TIAM2: variants seen among roughly 807,000 people sequenced by gnomAD.
The protein encoded by TIAM2 is TIAM Rac1 associated GEF 2.
In TIAM2, 80 loss-of-function variants were observed where a neutral mutation model predicts 152.9. The observed-to-expected ratio is 0.52, with a 90% CI of 0.44 to 0.63. The LOEUF (loss-of-function observed/expected upper bound fraction) is 0.63. Among genes scored for constraint, TIAM2 ranks in the 30% least tolerant of loss-of-function variants. TIAM2 has a pLI of 0.00. For synonymous variants in TIAM2, 804 were observed against 838.0 expected (o/e 0.96, Z 0.70); for missense variants, 1,965 against 2,120.1 (o/e 0.93, Z 1.44).
chr6:155,029,080 GTTATATATACACTGTATA>G (rs1391428701), intron 1 of TIAM2, among the ~76,000 whole-genome samples: 8 of 111,606 alleles, frequency 7.2e-5, no homozygotes, highest in African/African-American at 1.7e-4. Context: ...TATATATACT[GTTATATATACACTGTATA>G]TACTATGTGT....
intron 1 of TIAM2, among the ~76,000 whole-genome samples, chr6:155,028,307 G>T (rs567479415): frequency 1.1e-5 from 1 of 87,034 alleles, no homozygotes; most frequent in African/African-American, 5.5e-5. Context: ...CTACATATAT[G>T]TACTGTGTTA....
At chr6:155,006,992 A>T (rs1778412610) in intron 1 of TIAM2, among the ~76,000 whole-genome samples, 1 of 152,106 alleles carries the variant, frequency 6.6e-6, no homozygotes, top group African/African-American at 2.4e-5. Context: ...TGCCCGGCCA[A>T]TTTTTGTATT....
intron 2 of TIAM2, among the ~76,000 whole-genome samples, chr6:155,104,149 C>G (rs1260610312): frequency 6.7e-6 from 1 of 148,856 alleles, no homozygotes; most frequent in Non-Finnish European, 1.5e-5. Flanking sequence ...TGACTTCAGT[C>G]CCGGGGCTTG....
intron 15 of TIAM2, among the ~76,000 whole-genome samples, chr6:155,217,604 AT>A (rs760026858): frequency 3.9e-5 from 6 of 152,196 alleles, no homozygotes; most frequent in Non-Finnish European, 7.3e-5. Flanking sequence ...AGAGTTTTTA[AT>A]TTAGTTATTC....
intron 1 of TIAM2, among the ~76,000 whole-genome samples, chr6:155,084,615 T>C (rs1010863100): frequency 2.6e-5 from 4 of 152,314 alleles, no homozygotes; most frequent in Admixed American, 2.6e-4. Context: ...ATGGGCTGTT[T>C]TATAAATAAC....
At chr6:155,060,628 G>A (rs9478611) in intron 1 of TIAM2, among the ~76,000 whole-genome samples, 53,066 of 151,972 alleles carry the variant, frequency 0.35, 9,430 homozygotes, top group Non-Finnish European at 0.37. Flanking sequence ...AGGTGCAGTG[G>A]CTCATGCCTG....
In TIAM2 at chr6:155,013,952, A is replaced by ACACC. The variant is rs1491137664; in HGVS notation, c.-209+18461_-209+18462insACCC. On this transcript the variant is annotated intron_variant, in intron 1 of 26. Coordinates refer to ENST00000682666, the MANE Select transcript of TIAM2 (RefSeq NM_012454.4). ...CACACACACACACACACACACACAC[A>ACACC]CCTGAGATGGGGTAGATCATTGTAT... is the stretch of plus-strand genomic sequence containing the variant. 4.6e-5 allele frequency: 7 copies of ACACC among 151,182 alleles called. No homozygotes were observed. In the South Asian group the frequency reaches 1.1e-3, roughly 23 times the overall value. The allele number at this position is 151,182 out of a possible 1,614,324, so 9.4% of individuals were successfully genotyped here.
At chr6:155,125,637 G>C (rs1779273347) in intron 2 of TIAM2, among the ~76,000 whole-genome samples, 1 of 152,098 alleles carries the variant, frequency 6.6e-6, no homozygotes, top group Admixed American at 6.6e-5. Flanking sequence ...CCGGAAGTTC[G>C]AGACCAGCCT....
chr6:154,996,398 A>G (rs908428179), intron 1 of TIAM2, among the ~76,000 whole-genome samples: 1 of 152,184 alleles, frequency 6.6e-6, no homozygotes, highest in Non-Finnish European at 1.5e-5. Context: ...TTCAGGCAAG[A>G]GGCCACTTGG....
At chr6:155,246,494 A>G (rs188210501) in intron 19 of TIAM2, among the ~76,000 whole-genome samples, 105 of 152,308 alleles carry the variant, frequency 6.9e-4, no homozygotes, top group African/African-American at 2.4e-3. Context: ...TTAATTAATT[A>G]ATTTTAAAAA....
intron 1 of TIAM2, among the ~76,000 whole-genome samples, chr6:155,025,420 A>T (rs1486839029): frequency 6.6e-6 from 1 of 151,924 alleles, no homozygotes; most frequent in African/African-American, 2.4e-5. Flanking sequence ...TGACCTCGTG[A>T]TCTGCCCTCC....
rs1779412707 is a variant in TIAM2, at chr6:155,130,178, T to C, written c.955T>C (p.Ser319Pro). The C allele has an allele frequency of 6.2e-7, 1 of 1,614,028 alleles. No individual in the cohort carries two copies. The highest frequency in any genetic ancestry group is 1.3e-5 in the African/African-American group (1 of 74,918). ...CCTCTCCCCCTCAGGTATCCGCCTT[T>C]CTGATGAATACATGGGCACGCATGC... The part of the protein sequence containing the change: ...GSLSPSGIRL[S>P]DEYMGTHASL... Residue 319 changes from serine (S) to proline (P), a missense_variant, in exon 4 of 27, where the codon TCT becomes CCT. Coordinates refer to ENST00000682666, the MANE Select transcript of TIAM2 (RefSeq NM_012454.4).
intron 2 of TIAM2, among the ~76,000 whole-genome samples, chr6:155,121,443 G>A (rs1779148223): frequency 6.6e-6 from 1 of 152,162 alleles, no homozygotes; most frequent in South Asian, 2.1e-4. Flanking sequence ...TGCAAATGAG[G>A]AAAAAGAAAT....
rs1780720186 is a variant in TIAM2 at position 155,174,696 on chromosome 6, A to C, written c.2362-2120A>C. 6.6e-6 allele frequency among the ~76,000 whole-genome samples: 1 copy of C among 152,176 alleles called. No homozygotes were observed. Among genetic ancestry groups the C allele is most frequent in the South Asian group, 2.1e-4 (1 of 4,828 alleles). On this transcript the variant is annotated intron_variant, in intron 9 of 26. Transcript: ENST00000682666. The surrounding 1 kb of genome is among the most constrained non-coding windows in gnomAD (Gnocchi z 4.2). ...GTGATACAGTCTTTCTCTGATTGTC[A>C]GTAACGGTGAGAACAAGAGGGTGTG...
chr6:155,191,098 G>A (rs138502322), intron 14 of TIAM2, among the ~76,000 whole-genome samples: 7 of 152,262 alleles, frequency 4.6e-5, no homozygotes, highest in Admixed American at 1.3e-4. Flanking sequence ...TAATACATGC[G>A]CATGGTACAA....
At chr6:155,076,202 G>C (rs1777956533) in intron 1 of TIAM2, among the ~76,000 whole-genome samples, 1 of 152,116 alleles carries the variant, frequency 6.6e-6, no homozygotes, top group Non-Finnish European at 1.5e-5. Flanking sequence ...GGAGCTTCCT[G>C]GGGTGGCTTG....
chr6:155,217,395 T>C lies in TIAM2; in HGVS notation c.3168+6088T>C, dbSNP rs562214520. Among the ~76,000 whole-genome samples the C allele has an allele frequency of 2.6e-5, 4 of 152,358 alleles. No homozygotes were observed. In the South Asian group the frequency reaches 8.3e-4, roughly 32 times the overall value. ...GAAATAGTTCTTTCTTTTTGAAATA[T>C]AAAGATATCAGAAAGGCCTAGGCAA... On this transcript the variant is annotated intron_variant, in intron 15 of 26. Coordinates refer to ENST00000682666, the MANE Select transcript of TIAM2 (RefSeq NM_012454.4).
intron 15 of TIAM2, among the ~76,000 whole-genome samples, chr6:155,221,504 G>A (rs1487667855): frequency 6.6e-6 from 1 of 152,162 alleles, no homozygotes; most frequent in Admixed American, 6.5e-5. Context: ...CATTGAAACA[G>A]CGGGTGCCAT....
intron 15 of TIAM2, among the ~76,000 whole-genome samples, chr6:155,222,044 C>T (rs1200874187): frequency 2.0e-5 from 3 of 151,970 alleles, no homozygotes; most frequent in African/African-American, 7.2e-5. Flanking sequence ...GCCTCTGCCT[C>T]CCGGGTTCAA....
Sources: allele counts gnomAD v4.1 joint callset (sites outside exome capture counted in the v4.1 genomes callset), GRCh38; gene constraint gnomAD v4.1.1; non-coding constraint Gnocchi (gnomAD v3.1); transcripts MANE v1.5; gene names NCBI Gene and HGNC (gene_info 2026-07-23, HGNC 2026-07-21).